The following SPTB variants were observed in gnomAD, a reference collection of about 807,000 sequenced individuals.
SPTB encodes the protein spectrin beta chain, erythrocytic.
SPTB carries 45 observed loss-of-function variants against 256.2 expected under a neutral mutation model. The observed-to-expected ratio is 0.18, with a 90% CI of 0.14 to 0.23. SPTB has a LOEUF of 0.23. SPTB is among the 10% of genes least tolerant of loss of function. The pLI is 1.00. For missense variants in SPTB, 2,715 were observed against 3,040.4 expected (o/e 0.89, Z 2.52); for synonymous variants, 1,231 against 1,243.1 (o/e 0.99, Z 0.21).
chr14:64,763,573 A>G (rs943633152), intron 32 of SPTB, among the ~76,000 whole-genome samples: 1 of 152,236 alleles, frequency 6.6e-6, no homozygotes, highest in Non-Finnish European at 1.5e-5. Flanking sequence ...ACTTTCCGTA[A>G]TTCTCCAGAG....
chr14:64,830,266 C>T (rs185073337), intron 1 of SPTB, among the ~76,000 whole-genome samples: 3 of 151,348 alleles, frequency 2.0e-5, no homozygotes, highest in Admixed American at 1.3e-4. Flanking sequence ...TAGTACTGGG[C>T]CTGGGACTTA....
chr14:64,763,926 G>A (rs1169228030), intron 32 of SPTB: 4 of 516,268 alleles, frequency 7.7e-6, no homozygotes, highest in African/African-American at 1.9e-5. Context: ...GAGGACTGGG[G>A]TGGGGTGCCA....
At chr14:64,799,095 G>A (rs2082832363) in intron 9 of SPTB, among the ~76,000 whole-genome samples, 1 of 151,308 alleles carries the variant, frequency 6.6e-6, no homozygotes, top group Non-Finnish European at 1.5e-5. Flanking sequence ...GTATGTGTAT[G>A]AGTGCACGGT....
chr14:64,771,914 G>C (rs1296720344), intron 26 of SPTB, among the ~76,000 whole-genome samples: 1 of 152,184 alleles, frequency 6.6e-6, no homozygotes, highest in East Asian at 1.9e-4. Context: ...TGCTGCACTG[G>C]AAGCTGGGGG....
intron 1 of SPTB, among the ~76,000 whole-genome samples, chr14:64,856,953 C>T (rs2083883747): frequency 6.6e-6 from 1 of 152,196 alleles, no homozygotes; most frequent in Non-Finnish European, 1.5e-5. Flanking sequence ...TCCTCTGAGA[C>T]TCAAAGAAAA....
chr14:64,765,915 G>GGTGTGTATGAGTGTGT (rs1566740637), intron 32 of SPTB, among the ~76,000 whole-genome samples: 1 of 149,794 alleles, frequency 6.7e-6, no homozygotes, highest in Non-Finnish European at 1.5e-5. Flanking sequence ...GTGGGGGTGT[G>GGTGTGTATGAGTGTGT]GTGTGTATGA....
At chr14:64,849,236 A>G (rs1191351980) in intron 1 of SPTB, among the ~76,000 whole-genome samples, 1 of 152,202 alleles carries the variant, frequency 6.6e-6, no homozygotes, top group Non-Finnish European at 1.5e-5. Context: ...GAAAACACAT[A>G]TCCTCAATTG....
chr14:64,786,443 C>CT lies in SPTB; in HGVS notation c.3521dup (p.Lys1175GlufsTer7). 6.2e-7 allele frequency: 1 copy of CT among 1,614,172 alleles called. No individual in the cohort carries two copies. The highest frequency in any genetic ancestry group is 8.5e-7 in the Non-Finnish European group (1 of 1,180,036). On this transcript the variant is annotated frameshift_variant, in exon 16 of 36. Coordinates refer to ENST00000644917, the MANE Select transcript of SPTB (RefSeq NM_001355436.2). LOFTEE classifies it high-confidence loss of function. The surrounding 1 kb of genome is among the most constrained non-coding windows in gnomAD (Gnocchi z 5.6). ...TGGCTTCAGCCTGCTTGGCATCTTT[C>CT]TGGAACTCCTGGAAGCCAAGGCACT...
rs186768683 is a variant in SPTB at position 64,869,512 on chromosome 14, G to A, written c.-52+10280C>T. Among the ~76,000 whole-genome samples, 102 of 151,944 alleles carry A rather than the reference G, an allele frequency of 6.7e-4. 2 individuals carry two copies. The East Asian group carries it at 0.018, about 27-fold the overall frequency. On this transcript the variant is annotated intron_variant, in intron 1 of 35. Transcript: ENST00000644917. ...CAGGCTGGAGTTCAGTGGCATGATC[G>A]TAGCTCACTGCAGCCTTGAACTCCT...
At chr14:64,768,689 T>TC (rs1451471202) in intron 29 of SPTB, among the ~76,000 whole-genome samples, 1 of 104,122 alleles carries the variant, frequency 9.6e-6, no homozygotes, top group Non-Finnish European at 2.2e-5. Context: ...CCTCAACCCC[T>TC]CCCCCAGGCC....
intron 33 of SPTB, among the ~76,000 whole-genome samples, chr14:64,753,191 CAGCT>C (rs2081975663): frequency 6.6e-6 from 1 of 152,180 alleles, no homozygotes; most frequent in Non-Finnish European, 1.5e-5. Flanking sequence ...AGGATAATAA[CAGCT>C]AGTGTTCACC....
chr14:64,824,533 A>C lies in SPTB; in HGVS notation c.-51-1388T>G, dbSNP rs904841678. Among the ~76,000 whole-genome samples, 1 of 152,158 alleles carries C rather than the reference A, an allele frequency of 6.6e-6. No homozygotes were observed. The highest frequency in any genetic ancestry group is 2.4e-5 in the African/African-American group (1 of 41,436). On this transcript the variant is annotated intron_variant, in intron 1 of 35. Coordinates refer to ENST00000644917, the MANE Select transcript of SPTB (RefSeq NM_001355436.2). This position sits in a 1 kb window ranked among gnomAD's most constrained non-coding sequence, Gnocchi z 5.7. The stretch of plus-strand genomic sequence containing the variant: ...GGGATCTTAAGGGACTCCAAGATCA[A>C]GTCTGTAAGAGAATAGGGGACCCAG...
intron 33 of SPTB, among the ~76,000 whole-genome samples, chr14:64,752,965 C>T (rs1439325291): frequency 2.6e-5 from 4 of 152,056 alleles, no homozygotes; most frequent in African/African-American, 9.7e-5. Context: ...AGGACGCAGC[C>T]TTTGAGTCAG....
chr14:64,806,865 C>T lies in SPTB; in HGVS notation c.149-1775G>A, dbSNP rs1020537014. Among the ~76,000 whole-genome samples, 31 of 119,506 alleles carry T rather than the reference C, an allele frequency of 2.6e-4. No individual in the cohort carries two copies. Among genetic ancestry groups the T allele is most frequent in the Admixed American group, 8.3e-4 (11 of 13,254 alleles). 78.4% of individuals were successfully genotyped at this position (119,506 alleles called of 152,430 possible). ...ACTTCCAAGAAGAGGAAAAGTACTACTACTGACTGTGAATCCTAAATACAT... is the reference window on the plus strand; with the variant it reads ...ACTTCCAAGAAGAGGAAAAGTACTATTACTGACTGTGAATCCTAAATACAT... On this transcript the variant is annotated intron_variant, in intron 2 of 35. Transcript: ENST00000644917. The surrounding 1 kb of genome is among the most constrained non-coding windows in gnomAD (Gnocchi z 4.1).
At chr14:64,765,441 G>A (rs978428136) in intron 32 of SPTB, among the ~76,000 whole-genome samples, 5 of 152,148 alleles carry the variant, frequency 3.3e-5, no homozygotes, top group African/African-American at 1.2e-4. Context: ...GTCCTAAGGG[G>A]CCTGCTCCAG....
rs935963477 is a variant in SPTB at position 64,759,847 on chromosome 14, C to T, written c.6346-6054G>A. 9.9e-5 allele frequency among the ~76,000 whole-genome samples: 15 copies of T among 152,246 alleles called. No individual in the cohort carries two copies. Among genetic ancestry groups the T allele is most frequent in the African/African-American group, 2.9e-4 (12 of 41,544 alleles). On this transcript the variant is annotated intron_variant, in intron 32 of 35. Coordinates refer to ENST00000644917, the MANE Select transcript of SPTB (RefSeq NM_001355436.2). The surrounding 1 kb of genome is among the most constrained non-coding windows in gnomAD (Gnocchi z 4.8). Reference sequence around the variant, plus strand: ...GGAAGAAATTCTGGGTGTCCAGTTGCGGGCAGCAAGGGAGTCTAGACCATA... The same window carrying T: ...GGAAGAAATTCTGGGTGTCCAGTTGTGGGCAGCAAGGGAGTCTAGACCATA...
Position 64,772,639 on chromosome 14 carries a change from C to T in SPTB, c.5494G>A (p.Glu1832Lys), listed in dbSNP as rs532526634. 40 of 1,612,924 alleles carry T rather than the reference C, an allele frequency of 2.5e-5. No individual in the cohort carries two copies. In the East Asian group the frequency reaches 6.5e-4, roughly 26 times the overall value. The change falls in exon 26 of 36, where the codon GAG becomes AAG. Residue 1832 changes from glutamate (E) to lysine (K), a missense_variant. Physicochemically the swap from Glu to Lys is moderately conservative, Grantham distance 56. Around this residue, in one of 4 missense-constraint regions of SPTB, gnomAD observed 2,239 missense variants for 2,384.4 expected, o/e 0.94. Transcript: ENST00000644917. The surrounding 1 kb of genome is among the most constrained non-coding windows in gnomAD (Gnocchi z 5.4). Reference sequence around the variant, plus strand: ...GCTGTGTGCACCCGGTGGAAGGACTCGGCCGTGCTGGCGTCCAGCCCCACG... The same window carrying T: ...GCTGTGTGCACCCGGTGGAAGGACTTGGCCGTGCTGGCGTCCAGCCCCACG... ...EDVGLDASTA[E>K]SFHRVHTAFE...
intron 1 of SPTB, among the ~76,000 whole-genome samples, chr14:64,857,775 G>T (rs568436610): frequency 6.6e-6 from 1 of 152,190 alleles, no homozygotes; most frequent in Non-Finnish European, 1.5e-5. Context: ...TGCTGGCAAA[G>T]ATATTTATGT....
chr14:64,864,486 T>C (rs371836176), intron 1 of SPTB, among the ~76,000 whole-genome samples: 1 of 152,114 alleles, frequency 6.6e-6, no homozygotes, highest in African/African-American at 2.4e-5. Flanking sequence ...CTCTATGTCC[T>C]AATATGGAAA....
Sources: allele counts gnomAD v4.1 joint callset (sites outside exome capture counted in the v4.1 genomes callset), GRCh38; gene constraint gnomAD v4.1.1; regional missense constraint gnomAD v4.1.1; non-coding constraint Gnocchi (gnomAD v3.1); transcripts MANE v1.5; gene names NCBI Gene and HGNC (gene_info 2026-07-23, HGNC 2026-07-21).